The following DNAH14 variants were observed in gnomAD, a reference collection of about 807,000 sequenced individuals.
DNAH14 encodes axonemal beta dynein heavy chain 14.
A neutral mutation model predicts 520.9 loss-of-function variants in DNAH14; 478 were observed. That is an observed-to-expected ratio of 0.92 (90% CI 0.85 to 0.99). DNAH14 has a LOEUF of 0.99. DNAH14 is among the 50% of genes least tolerant of loss of function. The probability of loss-of-function intolerance (pLI) is 0.00; values close to 1 mark genes in which losing one functional copy is unlikely to be tolerated. For synonymous variants in DNAH14, 1,581 were observed against 1,757.2 expected (o/e 0.90, Z 2.51); for missense variants, 4,831 against 5,234.5 (o/e 0.92, Z 2.38).
intron 61 of DNAH14, among the ~76,000 whole-genome samples, chr1:225,321,572 A>C (rs749965981): frequency 2.8e-4 from 43 of 152,268 alleles, no homozygotes; most frequent in Non-Finnish European, 4.1e-4. Context: ...GAGGCTCATT[A>C]CCCATGTGTG....
chr1:225,123,243 A>G (rs2077432266), intron 26 of DNAH14, among the ~76,000 whole-genome samples: 1 of 152,222 alleles, frequency 6.6e-6, no homozygotes, highest in Non-Finnish European at 1.5e-5. Context: ...ACTATTAGCA[A>G]TTCAGAGCTA....
At position 225,063,790 on chromosome 1, in the gene DNAH14, G is replaced by A. The variant is rs546193478; in HGVS notation, c.2424+11995G>A. On this transcript the variant is annotated intron_variant, in intron 17 of 85. Transcript: ENST00000682510. ...GTATAAACCAATAGATCTGAGGAGC[G>A]CTCAATGAAATCCAATGAAAACGAA... Among the ~76,000 whole-genome samples the A allele has an allele frequency of 2.6e-4, 39 of 151,610 alleles. No individual in the cohort carries two copies. The South Asian group carries it at 2.7e-3, about 11-fold the overall frequency.
chr1:225,183,554 A>G (rs903726335), intron 36 of DNAH14, among the ~76,000 whole-genome samples: 2 of 152,178 alleles, frequency 1.3e-5, no homozygotes, highest in African/African-American at 2.4e-5. Context: ...GAAAAGAAAT[A>G]ACTAAAATCA....
intron 73 of DNAH14, chr1:225,354,309 G>A (rs990627246): frequency 1.6e-5 from 11 of 699,028 alleles, no homozygotes; most frequent in Non-Finnish European, 2.4e-5. Context: ...GTATGAGGAA[G>A]CACATTTTTG....
chr1:225,124,043 A>G (rs1475951082), intron 27 of DNAH14, among the ~76,000 whole-genome samples: 1 of 152,118 alleles, frequency 6.6e-6, no homozygotes, highest in Non-Finnish European at 1.5e-5. Flanking sequence ...GTGAGCCACC[A>G]TGCCTGGCCT....
chr1:225,252,183 G>A, intron 43 of DNAH14, 118 bp from the exon 44 acceptor site: 2 of 698,670 alleles, frequency 2.9e-6, no homozygotes, highest in Non-Finnish European at 5.2e-6. Context: ...TATACCCTTG[G>A]TGAATACTTA....
At position 225,324,353 on chromosome 1, in the gene DNAH14, G is replaced by C; in HGVS notation, c.9627G>C (p.Lys3209Asn). ...TGAATAACTACCATGAAGTACAGAA[G>C]GTATGCTTTTCCTCCTAAACATCTG... is the stretch of plus-strand genomic sequence containing the variant. Reference protein sequence around the residue: ...IALNNYHEVQKVVGPKQIQVA... With the variant: ...IALNNYHEVQNVVGPKQIQVA... Residue 3209 changes from lysine to asparagine, a missense_variant and splice_region_variant, in exon 63 of 86, where the codon AAG becomes AAC. Transcript: ENST00000682510. 1 of 1,551,138 alleles carries C rather than the reference G, an allele frequency of 6.4e-7. No individual in the cohort carries two copies. The highest frequency in any genetic ancestry group is 8.7e-7 in the Non-Finnish European group (1 of 1,146,804).
intron 10 of DNAH14, among the ~76,000 whole-genome samples, chr1:225,009,455 T>C (rs568314017): frequency 6.6e-6 from 1 of 152,314 alleles, no homozygotes; most frequent in South Asian, 2.1e-4. Context: ...TTCTGTTCCA[T>C]TGGTCTATAT....
chr1:225,163,790 A>T (rs1350025609), intron 35 of DNAH14, among the ~76,000 whole-genome samples: 2 of 152,134 alleles, frequency 1.3e-5, no homozygotes, highest in East Asian at 3.9e-4. Context: ...GTCAATGTCC[A>T]TCTGGAATAT....
intron 38 of DNAH14, among the ~76,000 whole-genome samples, chr1:225,201,901 G>C (rs1176662141): frequency 7.8e-6 from 1 of 127,484 alleles, no homozygotes; most frequent in East Asian, 2.4e-4. Context: ...TTGAGACGAA[G>C]TCTTCCTCTT....
intron 34 of DNAH14, among the ~76,000 whole-genome samples, chr1:225,155,095 C>T (rs912523861): frequency 7.2e-5 from 11 of 152,052 alleles, no homozygotes; most frequent in Admixed American, 3.9e-4. Context: ...CTGTTTTTCA[C>T]TTAACAGATG....
intron 8 of DNAH14, among the ~76,000 whole-genome samples, chr1:224,975,650 A>G (rs2061775138): frequency 6.6e-6 from 1 of 150,420 alleles, no homozygotes; most frequent in South Asian, 2.1e-4. Flanking sequence ...GCGGTCTTTC[A>G]ATTTTGTTGA....
chr1:225,273,290 G>C (rs996906015), intron 52 of DNAH14, among the ~76,000 whole-genome samples, 165 bp downstream of exon 52: 1 of 152,134 alleles, frequency 6.6e-6, no homozygotes, highest in South Asian at 2.1e-4. Flanking sequence ...AAATTAGCCG[G>C]GCGTGGTGAT....
At chr1:225,114,330 T>C (rs1191195038) in intron 23 of DNAH14, among the ~76,000 whole-genome samples, 3 of 152,156 alleles carry the variant, frequency 2.0e-5, no homozygotes, top group African/African-American at 7.2e-5. Context: ...CCAGGTGCCC[T>C]ATCCTACTAT....
At chr1:225,141,388 T>C (rs1559085252) in intron 28 of DNAH14, among the ~76,000 whole-genome samples, 1 of 151,492 alleles carries the variant, frequency 6.6e-6, no homozygotes, top group East Asian at 1.9e-4. Context: ...AGCTTTATTA[T>C]AGTTATTTAT....
intron 44 of DNAH14, among the ~76,000 whole-genome samples, chr1:225,257,096 G>A (rs752240576): frequency 1.4e-4 from 21 of 152,188 alleles, no homozygotes; most frequent in Non-Finnish European, 2.5e-4. Context: ...GTTTTGTAAT[G>A]TGCAGACTTT....
At chr1:224,983,362 T>C (rs1572235100) in intron 8 of DNAH14, among the ~76,000 whole-genome samples, 1 of 152,288 alleles carries the variant, frequency 6.6e-6, no homozygotes, top group Non-Finnish European at 1.5e-5. Context: ...GGTGAGGTTA[T>C]GATCAAAACC....
intron 26 of DNAH14, among the ~76,000 whole-genome samples, chr1:225,119,564 G>A (rs1276894507): frequency 6.6e-6 from 1 of 152,168 alleles, no homozygotes; most frequent in Non-Finnish European, 1.5e-5. Flanking sequence ...TGTGTACGTT[G>A]AGATTCAGCT....
intron 36 of DNAH14, among the ~76,000 whole-genome samples, chr1:225,177,040 T>G (rs2083410523): frequency 1.3e-5 from 2 of 152,272 alleles, no homozygotes; most frequent in Non-Finnish European, 1.5e-5. Context: ...GTTTGAAACT[T>G]CCTAGAGACT....
Sources: allele counts gnomAD v4.1 joint callset (sites outside exome capture counted in the v4.1 genomes callset), GRCh38; gene constraint gnomAD v4.1.1; transcripts MANE v1.5; gene names NCBI Gene and HGNC (gene_info 2026-07-23, HGNC 2026-07-21).